Variants in IL1RAPL1 observed in about 807,000 individuals in gnomAD.
The protein encoded by IL1RAPL1 is interleukin-1 receptor accessory protein-like 1.
IL1RAPL1 carries 3 observed loss-of-function variants against 48.4 expected under a neutral mutation model. The ratio of observed to expected loss-of-function variants is 0.06; its 90% CI spans 0.03 to 0.16. The LOEUF (loss-of-function observed/expected upper bound fraction) is 0.16, where lower values mean the gene tolerates loss of function less well. Among genes scored for constraint, IL1RAPL1 ranks in the 10% least tolerant of loss-of-function variants. IL1RAPL1 has a pLI of 1.00. For synonymous variants in IL1RAPL1, 185 were observed against 187.7 expected (o/e 0.99, Z 0.12); for missense variants, 349 against 530.6 (o/e 0.66, Z 3.36).
At chrX:29,850,004 T>A (rs1421653748) in intron 6 of IL1RAPL1, among the ~76,000 whole-genome samples, 1 of 111,450 alleles carries the variant, frequency 9.0e-6, no homozygotes, top group Non-Finnish European at 1.9e-5. Flanking sequence ...ACTTTCCCAC[T>A]CTTGAGTGGC....
At chrX:28,926,766 C>A (rs1923753361) in intron 2 of IL1RAPL1, among the ~76,000 whole-genome samples, 1 of 111,452 alleles carries the variant, frequency 9.0e-6, no homozygotes, top group Admixed American at 9.6e-5. Flanking sequence ...TCTCTTCAAA[C>A]CTCCCTCTCA....
At chrX:29,656,789 G>C (rs1018767279) in intron 5 of IL1RAPL1, among the ~76,000 whole-genome samples, 2 of 111,569 alleles carry the variant, frequency 1.8e-5, no homozygotes, top group African/African-American at 6.5e-5. Flanking sequence ...GAATGGCTTT[G>C]CTATTCTACA....
intron 6 of IL1RAPL1, among the ~76,000 whole-genome samples, chrX:29,890,027 AT>A (rs995592274): frequency 1.8e-5 from 2 of 111,458 alleles, no homozygotes; most frequent in Non-Finnish European, 3.8e-5. Flanking sequence ...TTCAAAGAAG[AT>A]TTTTTATAAC....
At chrX:29,329,990 CTGG>C (rs1440433221) in intron 3 of IL1RAPL1, among the ~76,000 whole-genome samples, 1 of 110,468 alleles carries the variant, frequency 9.1e-6, no homozygotes, top group East Asian at 2.8e-4. Flanking sequence ...AGGGCTGCTG[CTGG>C]TGGTGGTGGA....
At chrX:29,224,517 A>G (rs1865513607) in intron 2 of IL1RAPL1, among the ~76,000 whole-genome samples, 1 of 111,958 alleles carries the variant, frequency 8.9e-6, no homozygotes, top group Non-Finnish European at 1.9e-5. Flanking sequence ...AGAATAATGA[A>G]GACTCTTGTT....
At chrX:28,947,020 C>T (rs965321123) in intron 2 of IL1RAPL1, among the ~76,000 whole-genome samples, 1 of 111,664 alleles carries the variant, frequency 9.0e-6, no homozygotes, top group African/African-American at 3.3e-5. Context: ...TCTGCAACTG[C>T]AGGCCAAGGA....
intron 2 of IL1RAPL1, among the ~76,000 whole-genome samples, chrX:28,900,055 C>T (rs745432681): frequency 1.2e-4 from 13 of 112,069 alleles, no homozygotes; most frequent in African/African-American, 4.2e-4. Context: ...TATTTAGCAA[C>T]ATGAATGATT....
chrX:29,664,190 G>T lies in IL1RAPL1; in HGVS notation c.704-4240G>T, dbSNP rs747443560. 1.8e-4 allele frequency among the ~76,000 whole-genome samples: 20 copies of T among 111,631 alleles called. No homozygotes were observed. The East Asian group carries it at 5.1e-3, about 28-fold the overall frequency. The stretch of plus-strand genomic sequence containing the variant: ...GAGGCCGAGGCAGGCGGATCACGAG[G>T]TCAGGAGATCGAGACCAGCCTGACT... On this transcript the variant is annotated intron_variant, in intron 5 of 10. Coordinates refer to ENST00000378993, the MANE Select transcript of IL1RAPL1 (RefSeq NM_014271.4).
chrX:28,956,731 G>T (rs1390874274), intron 2 of IL1RAPL1, among the ~76,000 whole-genome samples: 5 of 108,551 alleles, frequency 4.6e-5, no homozygotes, highest in Non-Finnish European at 7.6e-5. Context: ...CTCTTTTTTG[G>T]TTGTGTCTCT....
chrX:28,816,130 A>T (rs1036616882), intron 2 of IL1RAPL1, among the ~76,000 whole-genome samples: 2 of 107,721 alleles, frequency 1.9e-5, no homozygotes, highest in Non-Finnish European at 3.9e-5. Context: ...CACAAACAGT[A>T]TATGAGGTTT....
At chrX:29,695,615 AGAGAG>A (rs1269572923) in intron 6 of IL1RAPL1, among the ~76,000 whole-genome samples, 2 of 109,500 alleles carry the variant, frequency 1.8e-5, no homozygotes, top group Non-Finnish European at 3.8e-5. Flanking sequence ...AGAGAGAGAG[AGAGAG>A]AGAGAGAAAC....
intron 2 of IL1RAPL1, among the ~76,000 whole-genome samples, chrX:29,193,330 A>G (rs932780965): frequency 3.6e-5 from 4 of 111,191 alleles, no homozygotes; most frequent in Admixed American, 1.9e-4. Context: ...AATGTCTTAT[A>G]TAACACAAAT....
chrX:29,429,927 AT>A (rs1174915637), intron 5 of IL1RAPL1, among the ~76,000 whole-genome samples: 11 of 50,326 alleles, frequency 2.2e-4, no homozygotes, highest in Middle Eastern at 0.017. Context: ...GTGTGTGTGT[AT>A]TTTTTTTTTT....
At chrX:29,292,166 T>G (rs924973473) in intron 3 of IL1RAPL1, among the ~76,000 whole-genome samples, 23 of 112,304 alleles carry the variant, frequency 2.0e-4, no homozygotes, top group Non-Finnish European at 3.6e-4. Context: ...TAGTGTTCCT[T>G]AGAATACCTT....
chrX:29,748,826 G>C (rs936819571), intron 6 of IL1RAPL1, among the ~76,000 whole-genome samples: 6 of 110,627 alleles, frequency 5.4e-5, no homozygotes, highest in African/African-American at 1.6e-4. Flanking sequence ...AAATTAGGAA[G>C]AAATATGGGT....
rs192470502 is a variant in IL1RAPL1 at position 29,705,035 on chromosome X, A to C, written c.778+36531A>C. ...CCTTCAGCCAAATAGTGAGCATTGT[A>C]CCCTATATAGCCTCCACATATTAAA... On this transcript the variant is annotated intron_variant, in intron 6 of 10. Coordinates refer to ENST00000378993, the MANE Select transcript of IL1RAPL1 (RefSeq NM_014271.4). Among the ~76,000 whole-genome samples, 293 of 111,394 alleles carry C rather than the reference A, an allele frequency of 2.6e-3. 2 individuals are homozygous for C. The highest frequency in any genetic ancestry group is 9.1e-3 in the African/African-American group (279 of 30,615).
At chrX:28,824,154 T>C (rs1290270261) in intron 2 of IL1RAPL1, among the ~76,000 whole-genome samples, 2 of 111,630 alleles carry the variant, frequency 1.8e-5, no homozygotes, top group African/African-American at 6.5e-5. Flanking sequence ...TACCTACACC[T>C]CAATTTAAGC....
At chrX:29,050,748 G>A (rs1927074965) in intron 2 of IL1RAPL1, among the ~76,000 whole-genome samples, 1 of 112,024 alleles carries the variant, frequency 8.9e-6, no homozygotes, top group African/African-American at 3.2e-5. Context: ...TGAAATTACG[G>A]GCTCGTTGAT....
chrX:29,245,164 C>T (rs1254679171), intron 2 of IL1RAPL1, among the ~76,000 whole-genome samples: 1 of 111,617 alleles, frequency 9.0e-6, no homozygotes, highest in Non-Finnish European at 1.9e-5. Context: ...TTTTCTTTAT[C>T]TGGTCTATCA....
Sources: gnomAD v4.1 joint callset for allele counts (sites outside exome capture counted in the v4.1 genomes callset) on GRCh38, gnomAD v4.1.1 for gene constraint, MANE v1.5 for transcripts, NCBI Gene and HGNC (gene_info 2026-07-23, HGNC 2026-07-21) for gene names.